The following TAF5 variants were observed in gnomAD, a reference collection of about 807,000 sequenced individuals.
TAF5 encodes TATA-box binding protein associated factor 5.
A neutral mutation model predicts 80.9 loss-of-function variants in TAF5; 20 were observed. The observed-to-expected ratio is 0.25, with a 90% CI of 0.17 to 0.36. The LOEUF (loss-of-function observed/expected upper bound fraction) is 0.36, where lower values mean the gene tolerates loss of function less well. TAF5 is among the 10% of genes least tolerant of loss of function. The pLI is 1.00. For missense variants in TAF5, 863 were observed against 1,029.4 expected, an observed-to-expected ratio of 0.84 and a Z score of 2.21; for synonymous variants, 388 against 406.4, an observed-to-expected ratio of 0.95 and a Z score of 0.55.
In TAF5 at chr10:103,368,175, G is replaced by C; in HGVS notation, c.186G>C (p.Gly62=). 7.2e-7 allele frequency: 1 copy of C among 1,392,748 alleles called. No individual in the cohort carries two copies. The highest frequency in any genetic ancestry group is 9.3e-7 in the Non-Finnish European group (1 of 1,075,264). The allele number at this position is 1,392,748 out of a possible 1,614,324, so 86.3% of individuals were successfully genotyped here. Residue 62 remains glycine, a synonymous_variant, in exon 1 of 11, where the codon GGG becomes GGC. Coordinates refer to ENST00000369839, the MANE Select transcript of TAF5 (RefSeq NM_006951.5). ...AASSSTGGDG[G]TPKPTVAVSA... Reference sequence around the variant, plus strand: ...CGTCGTCCACTGGCGGGGATGGCGGGACCCCCAAGCCCACGGTGGCTGTCT... The same window carrying C: ...CGTCGTCCACTGGCGGGGATGGCGGCACCCCCAAGCCCACGGTGGCTGTCT...
At chr10:103,385,229 A>G (rs7069667) in intron 7 of TAF5, 97 bp from the exon 8 acceptor site, 901,937 of 910,212 alleles carry the variant, frequency 0.99, 447,338 homozygotes, top group East Asian at 1. Context: ...ATAGTCAAAT[A>G]TATATAAAAT....
In TAF5 at chr10:103,368,018, A is replaced by T. The variant is rs1251646599; in HGVS notation, c.29A>T (p.Glu10Val). The change falls in exon 1 of 11, where the codon GAG (glutamate) becomes GTG (valine). Residue 10 changes from glutamate (E) to valine (V), a missense_variant. By Grantham distance (121) the Glu-to-Val change is moderately radical. Coordinates refer to ENST00000369839, the MANE Select transcript of TAF5 (RefSeq NM_006951.5). MAALAEEQT[E>V]VAVKLEPEGP... Reference sequence around the variant, plus strand: ...GCGGCGCTGGCGGAGGAGCAGACGGAGGTGGCGGTCAAGCTAGAGCCTGAG... The same window carrying T: ...GCGGCGCTGGCGGAGGAGCAGACGGTGGTGGCGGTCAAGCTAGAGCCTGAG... 1 of 1,466,274 alleles carries T rather than the reference A, an allele frequency of 6.8e-7. No homozygotes were observed. The highest frequency in any genetic ancestry group is 1.3e-5 in the South Asian group (1 of 75,926). The allele number at this position is 1,466,274 out of a possible 1,614,324, so 90.8% of individuals were successfully genotyped here.
At chr10:103,376,727 C>T (rs1407190631) in intron 2 of TAF5, among the ~76,000 whole-genome samples, 5 of 152,072 alleles carry the variant, frequency 3.3e-5, no homozygotes, top group African/African-American at 7.2e-5. Context: ...GGCAAAAGAA[C>T]GAGATCCTGC....
At position 103,368,376 on chromosome 10, in the gene TAF5, C is replaced by T; in HGVS notation, c.387C>T (p.Gly129=). 6.7e-7 allele frequency: 1 copy of T among 1,482,008 alleles called. No homozygotes were observed. The highest frequency in any genetic ancestry group is 9.0e-7 in the Non-Finnish European group (1 of 1,111,660). The allele number at this position is 1,482,008 out of a possible 1,614,324, so 91.8% of individuals were successfully genotyped here. A position where few individuals can be genotyped will look rare whatever the true frequency, so the allele number is the denominator to read the frequency against. The change falls in exon 1 of 11, where the codon GGC becomes GGT. Residue 129 remains glycine (G), a synonymous_variant. Coordinates refer to ENST00000369839, the MANE Select transcript of TAF5 (RefSeq NM_006951.5). Reference sequence around the variant, plus strand: ...GGCTGCTGGAGGAGGCAGTGGCGGGCTCCGGAGCCCCGGGAGAGGTGGACA... The same window carrying T: ...GGCTGCTGGAGGAGGCAGTGGCGGGTTCCGGAGCCCCGGGAGAGGTGGACA... ...EAGLLEEAVA[G]SGAPGEVDSA...
intron 1 of TAF5, among the ~76,000 whole-genome samples, chr10:103,371,716 T>C (rs1169378768): frequency 6.6e-6 from 1 of 152,192 alleles, no homozygotes; most frequent in Non-Finnish European, 1.5e-5. Context: ...ATGTATATAA[T>C]GTGAAGGGAA....
rs1195319898 is a variant in TAF5 at position 103,373,571 on chromosome 10, A to G, written c.773A>G (p.Asn258Ser). The part of the protein sequence containing the change: ...YLELVYNQHE[N>S]EAKSFFEKFH... ...GAGCTAGTCTACAATCAACATGAGA[A>G]TGAAGCAAAGTCATTCTTTGAGAAG... The change falls in exon 2 of 11, where the codon AAT (asparagine) becomes AGT (serine). Residue 258 changes from asparagine to serine, a missense_variant. By Grantham distance (46) the Asn-to-Ser change is conservative. Coordinates refer to ENST00000369839, the MANE Select transcript of TAF5 (RefSeq NM_006951.5). The G allele has an allele frequency of 1.2e-6, 2 of 1,613,990 alleles. No individual in the cohort carries two copies. Among genetic ancestry groups the G allele is most frequent in the Non-Finnish European group, 1.7e-6 (2 of 1,179,946 alleles).
Position 103,368,351 on chromosome 10 carries a change from G to T in TAF5, c.362G>T (p.Gly121Val). 1.3e-6 allele frequency: 2 copies of T among 1,577,492 alleles called. No homozygotes were observed. The highest frequency in any genetic ancestry group is 4.6e-5 in the East Asian group (2 of 43,864). Residue 121 changes from glycine (G) to valine (V), a missense_variant, in exon 1 of 11, where the codon GGG becomes GTG. This residue lies in a region of TAF5 where 367 missense variants were observed against 335.5 expected (regional missense o/e 1.09). Transcript: ENST00000369839. ...GAAGAGGCGCTGCGCCGTGAGGCCG[G>T]GCTGCTGGAGGAGGCAGTGGCGGGC... ...EAEEALRREA[G>V]LLEEAVAGSG...
Position 103,368,280 on chromosome 10 carries a change from A to G in TAF5, c.291A>G (p.Leu97=). Residue 97 remains leucine, a synonymous_variant, in exon 1 of 11, where the codon CTA becomes CTG. Transcript: ENST00000369839. The part of the protein sequence containing the change: ...DAGAPHDRQT[L]LAVLQFLRQS... ...GCGCTCCGCATGACCGACAGACTCT[A>G]CTGGCCGTGCTGCAGTTCCTACGGC... 6.3e-7 allele frequency: 1 copy of G among 1,577,508 alleles called. No individual in the cohort carries two copies. The highest frequency in any genetic ancestry group is 8.5e-7 in the Non-Finnish European group (1 of 1,171,090).
intron 1 of TAF5, 23 bp from the exon 2 acceptor site, chr10:103,373,335 A>G (rs1374369990): frequency 6.2e-7 from 1 of 1,606,294 alleles, no homozygotes; most frequent in Non-Finnish European, 8.5e-7. Context: ...CATTTTCTTA[A>G]AAGTTTTTTG....
Position 103,368,019 on chromosome 10 carries a change from G to A in TAF5, c.30G>A (p.Glu10=). 6.8e-7 allele frequency: 1 copy of A among 1,468,266 alleles called. No individual in the cohort carries two copies. The highest frequency in any genetic ancestry group is 9.0e-7 in the Non-Finnish European group (1 of 1,115,864). 91.0% of individuals were successfully genotyped at this position (1,468,266 alleles called of 1,614,324 possible). Residue 10 remains glutamate, a synonymous_variant, in exon 1 of 11, where the codon GAG becomes GAA. Coordinates refer to ENST00000369839, the MANE Select transcript of TAF5 (RefSeq NM_006951.5). ...CGGCGCTGGCGGAGGAGCAGACGGA[G>A]GTGGCGGTCAAGCTAGAGCCTGAGG... MAALAEEQT[E]VAVKLEPEGP... is the part of the protein sequence containing the mutation.
chr10:103,371,647 T>C lies in TAF5; in HGVS notation c.560-1711T>C, dbSNP rs1257362707. 7.9e-5 allele frequency among the ~76,000 whole-genome samples: 12 copies of C among 152,376 alleles called. No homozygotes were observed. In the East Asian group the frequency reaches 2.3e-3, roughly 29 times the overall value. On this transcript the variant is annotated intron_variant, in intron 1 of 10. Transcript: ENST00000369839. Reference sequence around the variant, plus strand: ...TAAGCATATAACTATCTTTTGAAGATATAAATAAGGCATGGTCCTTCCCAC... The same window carrying C: ...TAAGCATATAACTATCTTTTGAAGACATAAATAAGGCATGGTCCTTCCCAC...
Position 103,368,270 on chromosome 10 carries a change from G to A in TAF5, c.281G>A (p.Arg94Gln). 1 of 1,559,766 alleles carries A rather than the reference G, an allele frequency of 6.4e-7. No individual in the cohort carries two copies. The highest frequency in any genetic ancestry group is 1.2e-5 in the South Asian group (1 of 86,098). The change falls in exon 1 of 11, where the codon CGA becomes CAA. Residue 94 changes from arginine (R) to glutamine (Q), a missense_variant. This residue lies in a region of TAF5 where 367 missense variants were observed against 335.5 expected (regional missense o/e 1.09). Transcript: ENST00000369839. ...AAPDAGAPHD[R>Q]QTLLAVLQFL... is the part of the protein sequence containing the mutation. ...CCGGACGCCGGCGCTCCGCATGACC[G>A]ACAGACTCTACTGGCCGTGCTGCAG...
At chr10:103,376,641 TTAAAG>T (rs1472758050) in intron 2 of TAF5, among the ~76,000 whole-genome samples, 2 of 151,600 alleles carry the variant, frequency 1.3e-5, no homozygotes, top group Non-Finnish European at 2.9e-5. Flanking sequence ...TAATTTCTCT[TTAAAG>T]TACTGTCATC....
intron 2 of TAF5, among the ~76,000 whole-genome samples, chr10:103,376,306 G>A (rs1017090272): frequency 3.3e-5 from 5 of 151,964 alleles, no homozygotes; most frequent in African/African-American, 1.2e-4. Flanking sequence ...GGTCAGGCTG[G>A]TCTTGAACTC....
chr10:103,379,512 T>C (rs2133630782), intron 3 of TAF5, 96 bp from the exon 4 acceptor site: 2 of 1,108,350 alleles, frequency 1.8e-6, no homozygotes, highest in East Asian at 2.6e-5. Context: ...AGAGTGTAAA[T>C]TACTATTTTG....
Position 103,378,241 on chromosome 10 carries a change from T to C in TAF5, c.804T>C (p.His268=). 1 of 1,611,906 alleles carries C rather than the reference T, an allele frequency of 6.2e-7. No individual in the cohort carries two copies. Among genetic ancestry groups the C allele is most frequent in the Non-Finnish European group, 8.5e-7 (1 of 1,178,296 alleles). ...TTTAAAATCACTGAAACAGGTTCCA[T>C]GGAGATCAGGAATGTTATTACCAGG... is the stretch of plus-strand genomic sequence containing the variant. ...NEAKSFFEKF[H]GDQECYYQDD... Residue 268 remains histidine, a synonymous_variant, in exon 3 of 11, where the codon CAT becomes CAC. Coordinates refer to ENST00000369839, the MANE Select transcript of TAF5 (RefSeq NM_006951.5). The surrounding 1 kb of genome is among the most constrained non-coding windows in gnomAD (Gnocchi z 4.1).
In TAF5 at chr10:103,383,268, A is replaced by T. The variant is rs1369760057; in HGVS notation, c.1565A>T (p.Asp522Val). The change falls in exon 7 of 11, where the codon GAT becomes GTT. Residue 522 changes from aspartate (D) to valine (V), a missense_variant. By Grantham distance (152) the Asp-to-Val change is radical. Transcript: ENST00000369839. ...AGTCTTATAGACAAAGAATCAGATG[A>T]TGTCTTAGAAAGAATCATGGATGAG... ...DLSLIDKESD[D>V]VLERIMDEKT... is the part of the protein sequence containing the mutation. 1 of 1,598,288 alleles carries T rather than the reference A, an allele frequency of 6.3e-7. No individual in the cohort carries two copies. Among genetic ancestry groups the T allele is most frequent in the Admixed American group, 1.9e-5 (1 of 53,912 alleles).
chr10:103,387,159 A>G lies in TAF5; in HGVS notation c.1830-16A>G. ...CTACTAATTGTCATCTTTTGCTTTCAATAACTTTATAAAAGGCTCTGGGCT... is the reference window on the plus strand; with the variant it reads ...CTACTAATTGTCATCTTTTGCTTTCGATAACTTTATAAAAGGCTCTGGGCT... On this transcript the variant is annotated splice_polypyrimidine_tract_variant and intron_variant, in intron 8 of 10. Coordinates refer to ENST00000369839, the MANE Select transcript of TAF5 (RefSeq NM_006951.5). 1 of 1,597,036 alleles carries G rather than the reference A, an allele frequency of 6.3e-7. No homozygotes were observed. The highest frequency in any genetic ancestry group is 2.2e-5 in the East Asian group (1 of 44,672).
intron 1 of TAF5, 65 bp from the exon 2 acceptor site, chr10:103,373,293 A>G (rs1021551983): frequency 1.3e-4 from 170 of 1,330,366 alleles, no homozygotes; most frequent in Non-Finnish European, 2.6e-5. Context: ...GGGCTTTAAC[A>G]ATACAGCCAT....
Sources: gnomAD v4.1 joint callset for allele counts (sites outside exome capture counted in the v4.1 genomes callset) on GRCh38, gnomAD v4.1.1 for gene constraint, gnomAD v4.1.1 regional missense constraint, Gnocchi (gnomAD v3.1) non-coding constraint, MANE v1.5 for transcripts, NCBI Gene and HGNC (gene_info 2026-07-23, HGNC 2026-07-21) for gene names.